NAT1: variants seen among roughly 807,000 people sequenced by gnomAD.
NAT1 encodes the protein arylamine N-acetyltransferase 1.
For synonymous variants in NAT1, 144 were observed against 122.6 expected (o/e 1.17, Z -1.16); for missense variants, 400 against 339.2 (o/e 1.18, Z -1.41).
intron 1 of NAT1, among the ~76,000 whole-genome samples, chr8:18,213,008 G>C (rs1804256507): frequency 6.7e-6 from 1 of 150,168 alleles, no homozygotes; most frequent in South Asian, 2.1e-4. Flanking sequence ...GGGTTCAAGT[G>C]ATTCTCCTGC....
chr8:18,189,693 G>A (rs1227001551), intron 2 of NAT1, among the ~76,000 whole-genome samples: 1 of 152,142 alleles, frequency 6.6e-6, no homozygotes, highest in African/African-American at 2.4e-5. Context: ...TGCAGTATGG[G>A]CTGGTTACAC....
intron 2 of NAT1, among the ~76,000 whole-genome samples, chr8:18,199,749 A>G (rs1803385908): frequency 6.6e-6 from 1 of 152,182 alleles, no homozygotes; most frequent in African/African-American, 2.4e-5. Context: ...AGCATTTACA[A>G]TGAGTGGTTA....
intron 2 of NAT1, among the ~76,000 whole-genome samples, chr8:18,185,665 T>G (rs949848656): frequency 6.6e-6 from 1 of 152,134 alleles, no homozygotes; most frequent in African/African-American, 2.4e-5. Context: ...TTTTCATTCA[T>G]TCTTCTTTTA....
chr8:18,217,929 T>C (rs1410090438), intron 1 of NAT1, among the ~76,000 whole-genome samples: 1 of 152,164 alleles, frequency 6.6e-6, no homozygotes, highest in Non-Finnish European at 1.5e-5. Flanking sequence ...GAGTGTATTG[T>C]TTAAGGCTAG....
chr8:18,183,902 G>C (rs1563164702), intron 2 of NAT1, among the ~76,000 whole-genome samples: 1 of 152,160 alleles, frequency 6.6e-6, no homozygotes, highest in African/African-American at 2.4e-5. Context: ...GACCTCCCAA[G>C]GCCTCAGACA....
intron 2 of NAT1, among the ~76,000 whole-genome samples, chr8:18,189,796 A>G (rs1324748886): frequency 6.6e-6 from 1 of 151,844 alleles, no homozygotes; most frequent in Non-Finnish European, 1.5e-5. Flanking sequence ...TTGACATTTG[A>G]TTATTATTTT....
At chr8:18,219,639 T>G in intron 2 of NAT1, 150 bp downstream of exon 2, 1 of 566,502 alleles carries the variant, frequency 1.8e-6, no homozygotes. Flanking sequence ...CTAATAATGT[T>G]TTCAGTGAGC....
chr8:18,171,088 C>A (rs1802079902), intron 2 of NAT1, among the ~76,000 whole-genome samples: 1 of 152,056 alleles, frequency 6.6e-6, no homozygotes, highest in South Asian at 2.1e-4. Flanking sequence ...GGGTTTTGTG[C>A]TTGAGAGAGC....
intron 2 of NAT1, among the ~76,000 whole-genome samples, chr8:18,203,114 C>G (rs1338312729): frequency 6.6e-6 from 1 of 152,220 alleles, no homozygotes; most frequent in East Asian, 1.9e-4. Flanking sequence ...GGATGTCCAG[C>G]TGGCTCCAGC....
At chr8:18,196,581 C>A (rs1291008966) in intron 2 of NAT1, among the ~76,000 whole-genome samples, 1 of 152,168 alleles carries the variant, frequency 6.6e-6, no homozygotes, top group East Asian at 1.9e-4. Flanking sequence ...ATACATCTGA[C>A]TTTGTTACTT....
chr8:18,181,281 T>A (rs972719411), intron 2 of NAT1, among the ~76,000 whole-genome samples: 1 of 152,200 alleles, frequency 6.6e-6, no homozygotes, highest in Non-Finnish European at 1.5e-5. Context: ...ATGGGATTGC[T>A]TTCTCAATTT....
Position 18,222,888 on chromosome 8 carries a change from C to A in NAT1, c.841C>A (p.Pro281Thr), listed in dbSNP as rs1231281905. 2.5e-6 allele frequency: 4 copies of A among 1,572,524 alleles called. No individual in the cohort carries two copies. The highest frequency in any genetic ancestry group is 2.0e-5 in the Admixed American group (1 of 50,988). The change falls in exon 3 of 3, where the codon CCC (proline) becomes ACC (threonine). Residue 281 changes from proline to threonine, a missense_variant. Pro to Thr is a conservative substitution (Grantham distance 38). Transcript: ENST00000307719. ...FNISLQRKLV[P>T]KHGDRFFTI ...TATTTCCTTGCAGAGAAAGCTTGTG[C>A]CCAAACATGGTGATAGATTTTTTAC...
intron 2 of NAT1, among the ~76,000 whole-genome samples, chr8:18,178,997 C>T (rs1367195065): frequency 6.6e-6 from 1 of 152,170 alleles, no homozygotes; most frequent in East Asian, 1.9e-4. Flanking sequence ...ACAGTTTCAA[C>T]TTGTCCTTCT....
In NAT1 at chr8:18,176,062, T is replaced by C. The variant is rs148001265; in HGVS notation, n.92+5323T>C. Among the ~76,000 whole-genome samples the C allele has an allele frequency of 1.6e-3, 241 of 152,306 alleles. 6 individuals carry two copies. In the East Asian group the frequency reaches 0.027, roughly 17 times the overall value. On this transcript the variant is annotated intron_variant and non_coding_transcript_variant, in intron 2 of 4. Coordinates refer to the NAT1 transcript ENST00000517441. ...CCATTTTTAATCATGTTGTTTGTTT[T>C]CTTGCTCTTGAGTTGTTTGAGTTCC...
chr8:18,217,385 G>A (rs1804790314), intron 1 of NAT1, among the ~76,000 whole-genome samples: 1 of 152,236 alleles, frequency 6.6e-6, no homozygotes, highest in Non-Finnish European at 1.5e-5. Flanking sequence ...GTCTTCAGAC[G>A]CTTTGCGTCC....
chr8:18,182,439 A>G (rs1487561301), intron 2 of NAT1, among the ~76,000 whole-genome samples: 1 of 152,110 alleles, frequency 6.6e-6, no homozygotes. Context: ...TGGAAGCTTT[A>G]TTGTTTTACC....
intron 2 of NAT1, among the ~76,000 whole-genome samples, chr8:18,185,033 T>C (rs1260962459): frequency 6.6e-6 from 1 of 152,104 alleles, no homozygotes; most frequent in Admixed American, 6.6e-5. Flanking sequence ...AAACAAATGT[T>C]TAAATGTTAT....
At chr8:18,187,979 A>G (rs992942373) in intron 2 of NAT1, among the ~76,000 whole-genome samples, 65 of 143,912 alleles carry the variant, frequency 4.5e-4, no homozygotes, top group African/African-American at 1.7e-3. Flanking sequence ...ACACACACAC[A>G]CTTTTATGCC....
At chr8:18,191,634 C>T (rs533391013) in intron 2 of NAT1, among the ~76,000 whole-genome samples, 1 of 152,020 alleles carries the variant, frequency 6.6e-6, no homozygotes, top group South Asian at 2.1e-4. Flanking sequence ...GTACTGGTAC[C>T]AAAACAGAGA....
Sources: allele counts gnomAD v4.1 joint callset (sites outside exome capture counted in the v4.1 genomes callset), GRCh38; gene constraint gnomAD v4.1.1; transcripts MANE v1.5; gene names NCBI Gene and HGNC (gene_info 2026-07-23, HGNC 2026-07-21).